Variants in SLC6A7 observed in about 807,000 individuals in gnomAD.
The protein encoded by SLC6A7 is sodium-dependent proline transporter.
SLC6A7 carries 58 observed loss-of-function variants against 73.1 expected under a neutral mutation model. The ratio of observed to expected loss-of-function variants is 0.79; its 90% CI spans 0.64 to 0.99. The LOEUF is 0.99. Ranked by LOEUF, SLC6A7 falls within the 50% of genes least tolerant of loss-of-function variation. The probability of loss-of-function intolerance (pLI) is 0.00; values close to 1 mark genes in which losing one functional copy is unlikely to be tolerated. For synonymous variants in SLC6A7, 338 were observed against 338.7 expected (o/e 1.00, Z 0.02); for missense variants, 783 against 831.4 (o/e 0.94, Z 0.72).
chr5:150,198,107 GAA>G lies in SLC6A7; in HGVS notation c.584+833_584+834del, dbSNP rs753064911. 3.6e-3 allele frequency among the ~76,000 whole-genome samples: 363 copies of G among 101,306 alleles called. 1 individual carries two copies. Among genetic ancestry groups the G allele is most frequent in the African/African-American group, 5.4e-3 (136 of 25,060 alleles). The allele number at this position is 101,306 out of a possible 152,430, so 66.5% of individuals were successfully genotyped here. The stretch of plus-strand genomic sequence containing the variant: ...AGAAAGAAAGAAAGAAAGAAAGAAA[GAA>G]AGAAAGAGAAAGAAAGAAAGAAAGA... On this transcript the variant is annotated intron_variant, in intron 4 of 13. Coordinates refer to ENST00000230671, the MANE Select transcript of SLC6A7 (RefSeq NM_014228.5).
chr5:150,204,884 A>G lies in SLC6A7; in HGVS notation c.1490A>G (p.Tyr497Cys), dbSNP rs780397169. The G allele has an allele frequency of 1.2e-6, 2 of 1,603,670 alleles. No homozygotes were observed. The highest frequency in any genetic ancestry group is 1.7e-4 in the Middle Eastern group (1 of 5,992). The stretch of plus-strand genomic sequence containing the variant: ...ATGCTGGGCTTCAAGCCGGGCCTCT[A>G]CTTCAGGGCCTGCTGGCTGTTCCTG... Reference protein sequence around the residue: ...HMMLGFKPGLYFRACWLFLSP... With the variant: ...HMMLGFKPGLCFRACWLFLSP... The change falls in exon 12 of 14, where the codon TAC becomes TGC. Residue 497 changes from tyrosine to cysteine, a missense_variant. Transcript: ENST00000230671.
intron 4 of SLC6A7, among the ~76,000 whole-genome samples, chr5:150,198,102 AG>A (rs1753150412): frequency 2.8e-5 from 3 of 107,732 alleles, no homozygotes; most frequent in African/African-American, 1.0e-4. Context: ...AAAGAAAGAA[AG>A]AAAGAAAGAA....
intron 2 of SLC6A7, among the ~76,000 whole-genome samples, 196 bp from the exon 3 acceptor site, chr5:150,196,520 G>A (rs1056363246): frequency 6.6e-6 from 1 of 152,228 alleles, no homozygotes; most frequent in African/African-American, 2.4e-5. Context: ...CACTGTTCTG[G>A]GCACTGGGGC....
At chr5:150,203,319 G>T (rs1753488804) in intron 8 of SLC6A7, among the ~76,000 whole-genome samples, 2 of 152,200 alleles carry the variant, frequency 1.3e-5, no homozygotes, top group Admixed American at 1.3e-4. Context: ...CAAGTGAAAA[G>T]GGTGAGAATG....
chr5:150,197,292 GC>G lies in SLC6A7; in HGVS notation c.584+20del, dbSNP rs1229408749. On this transcript the variant is annotated intron_variant, in intron 4 of 13. Coordinates refer to ENST00000230671, the MANE Select transcript of SLC6A7 (RefSeq NM_014228.5). ...AGTACTGGAGGTCAGGCAGCTGCTG[GC>G]CCCGCGGCATCTGAGGGGACCCTGC... The G allele has an allele frequency of 1.9e-6, 3 of 1,554,954 alleles. No individual in the cohort carries two copies. Among genetic ancestry groups the G allele is most frequent in the Non-Finnish European group, 2.6e-6 (3 of 1,137,830 alleles).
rs76622724 is a variant in SLC6A7, at chr5:150,203,521, G to A, written c.1088-146G>A. The A allele has an allele frequency of 2.4e-4, 143 of 590,962 alleles. No individual in the cohort carries two copies. In the East Asian group the frequency reaches 3.7e-3, roughly 15 times the overall value. 36.6% of individuals were successfully genotyped at this position (590,962 alleles called of 1,614,324 possible). On this transcript the variant is annotated intron_variant, in intron 8 of 13. Transcript: ENST00000230671. ...GGTGTAGGTCCTGGGAGTTAAGGAA[G>A]TATCAGAGGGTGCATTTAAGTGGGC...
intron 4 of SLC6A7, 101 bp from the exon 5 acceptor site, chr5:150,199,127 G>C (rs1753233814): frequency 7.0e-7 from 1 of 1,427,040 alleles, no homozygotes; most frequent in African/African-American, 1.4e-5. Flanking sequence ...GCGTCAAGTG[G>C]AGAACAGCAG....
chr5:150,193,234 G>A (rs1024581474), intron 1 of SLC6A7, among the ~76,000 whole-genome samples: 2 of 152,146 alleles, frequency 1.3e-5, no homozygotes, highest in African/African-American at 4.8e-5. Context: ...TCACCACTGT[G>A]GTCACCATCA....
chr5:150,204,408 G>A, intron 10 of SLC6A7, 124 bp from the exon 11 acceptor site: 1 of 784,596 alleles, frequency 1.3e-6, no homozygotes, highest in East Asian at 2.5e-5. Context: ...CTGGCAGCCA[G>A]TGGTCACCCT....
intron 13 of SLC6A7, 93 bp downstream of exon 13, chr5:150,205,716 C>A: frequency 8.9e-7 from 1 of 1,117,770 alleles, no homozygotes; most frequent in South Asian, 1.5e-5. Context: ...TGCACCCACC[C>A]CTTATCCAGC....
rs1307544508 is a variant in SLC6A7, at chr5:150,204,729, G to A, written c.1432+98G>A. On this transcript the variant is annotated intron_variant, in intron 11 of 13. Transcript: ENST00000230671. ...AGTACCTGGGTCCCTGGTCCCAAGG[G>A]CCAGGGTTTCCAGTGGGGGCAGCTG... 2.9e-4 allele frequency: 388 copies of A among 1,344,908 alleles called. No homozygotes were observed. In the African/African-American group the frequency reaches 4.6e-3, roughly 16 times the overall value. 83.3% of individuals were successfully genotyped at this position (1,344,908 alleles called of 1,614,324 possible). A position where few individuals can be genotyped will look rare whatever the true frequency, so the allele number is the denominator to read the frequency against.
intron 4 of SLC6A7, among the ~76,000 whole-genome samples, chr5:150,197,674 A>T (rs1343199545): frequency 2.6e-5 from 4 of 152,182 alleles, no homozygotes; most frequent in Non-Finnish European, 5.9e-5. Flanking sequence ...CCTCTGTAAC[A>T]GGGGTTGGTA....
chr5:150,204,502 G>C, intron 10 of SLC6A7, 30 bp from the exon 11 acceptor site: 1 of 1,529,744 alleles, frequency 6.5e-7, no homozygotes, highest in Non-Finnish European at 9.0e-7. Context: ...GGCCCAGGAA[G>C]GGGACACCAG....
rs1753601046 is a variant in SLC6A7, at chr5:150,204,866, G to T, written c.1472G>T (p.Gly491Val). Residue 491 changes from glycine to valine, a missense_variant, in exon 12 of 14, where the codon GGC (glycine) becomes GTC (valine). By Grantham distance (109) the Gly-to-Val change is moderately radical. Coordinates refer to ENST00000230671, the MANE Select transcript of SLC6A7 (RefSeq NM_014228.5). ...TGCCGAGACATCCACATGATGCTGG[G>T]CTTCAAGCCGGGCCTCTACTTCAGG... is the stretch of plus-strand genomic sequence containing the variant. ...RFCRDIHMML[G>V]FKPGLYFRAC... is the part of the protein sequence containing the mutation. 1 of 1,612,444 alleles carries T rather than the reference G, an allele frequency of 6.2e-7. No homozygotes were observed. The highest frequency in any genetic ancestry group is 1.3e-5 in the African/African-American group (1 of 74,950).
In SLC6A7 at chr5:150,190,092, C is replaced by A; in HGVS notation, c.-236C>A. The A allele has an allele frequency of 4.7e-6, 2 of 426,578 alleles. No individual in the cohort carries two copies. The highest frequency in any genetic ancestry group is 8.2e-6 in the Non-Finnish European group (2 of 244,326). 26.4% of individuals were successfully genotyped at this position (426,578 alleles called of 1,614,324 possible). On this transcript the variant is annotated 5_prime_UTR_variant, in exon 1 of 14. Coordinates refer to ENST00000230671, the MANE Select transcript of SLC6A7 (RefSeq NM_014228.5). Reference sequence around the variant, plus strand: ...CTGTCTGTCTGGGTGTCTATGCGGGCGCAGCAGTGCACCCTTCCCCAGCCT... The same window carrying A: ...CTGTCTGTCTGGGTGTCTATGCGGGAGCAGCAGTGCACCCTTCCCCAGCCT...
Position 150,191,244 on chromosome 5 carries a change from G to A in SLC6A7, c.33+884G>A, listed in dbSNP as rs78352445. On this transcript the variant is annotated intron_variant, in intron 1 of 13. Transcript: ENST00000230671. ...CCAAAACAGGCCCCACTGGGTGTGTGAGGTGTGGGGAAGAATGCTAAAGGG... is the reference window on the plus strand; with the variant it reads ...CCAAAACAGGCCCCACTGGGTGTGTAAGGTGTGGGGAAGAATGCTAAAGGG... Among the ~76,000 whole-genome samples, 214 of 152,292 alleles carry A rather than the reference G, an allele frequency of 1.4e-3. 1 individual carries two copies. Among genetic ancestry groups the A allele is most frequent in the Admixed American group, 3.5e-3 (54 of 15,298 alleles).
intron 1 of SLC6A7, among the ~76,000 whole-genome samples, chr5:150,192,965 G>A (rs568865221): frequency 6.6e-6 from 1 of 152,312 alleles, no homozygotes; most frequent in South Asian, 2.1e-4. Flanking sequence ...TCACCCAGCT[G>A]GAGAGGCAGC....
At chr5:150,204,768 G>A (rs1753592720) in intron 11 of SLC6A7, 59 bp from the exon 12 acceptor site, 11 of 1,388,600 alleles carry the variant, frequency 7.9e-6, no homozygotes, top group Non-Finnish European at 1.1e-5. Flanking sequence ...TAGAGGAGGG[G>A]CTGCTGGCGT....
chr5:150,198,572 C>G (rs1753195748), intron 4 of SLC6A7, among the ~76,000 whole-genome samples: 1 of 152,322 alleles, frequency 6.6e-6, no homozygotes, highest in African/African-American at 2.4e-5. Context: ...CCCACTGCAT[C>G]AGTCAGGATG....
Sources: gnomAD v4.1 joint callset for allele counts (sites outside exome capture counted in the v4.1 genomes callset) on GRCh38, gnomAD v4.1.1 for gene constraint, MANE v1.5 for transcripts, NCBI Gene and HGNC (gene_info 2026-07-23, HGNC 2026-07-21) for gene names.